The following ZFYVE1 variants were observed in gnomAD, a reference collection of about 807,000 sequenced individuals.
ZFYVE1 encodes the protein zinc finger FYVE domain-containing protein 1.
ZFYVE1 carries 30 observed loss-of-function variants against 74.4 expected under a neutral mutation model. The observed-to-expected ratio is 0.40, with a 90% CI of 0.30 to 0.55. ZFYVE1 has a LOEUF of 0.55. Among genes scored for constraint, ZFYVE1 ranks in the 20% least tolerant of loss-of-function variants. The pLI, the probability that ZFYVE1 is intolerant of heterozygous loss-of-function variation, is 0.42. For synonymous variants in ZFYVE1, 335 were observed against 385.1 expected (o/e 0.87, Z 1.52); for missense variants, 703 against 1,011.6 (o/e 0.69, Z 4.14).
At chr14:73,009,047 C>T (rs4903091) in intron 2 of ZFYVE1, among the ~76,000 whole-genome samples, 17,876 of 152,136 alleles carry the variant, frequency 0.12, 2,510 homozygotes, top group African/African-American at 0.34. Context: ...TGTTCACTAC[C>T]GTAACCTTAG....
rs531823632 is a variant in ZFYVE1, at chr14:72,981,848, C to T, written c.1251G>A (p.Ala417=). 2.4e-5 allele frequency: 39 copies of T among 1,614,066 alleles called. No homozygotes were observed. Among genetic ancestry groups the T allele is most frequent in the Non-Finnish European group, 3.1e-5 (36 of 1,180,032 alleles). The change falls in exon 5 of 12, where the codon GCG becomes GCA. Residue 417 remains alanine (A), a synonymous_variant. Transcript: ENST00000556143. ...ACTCATCTGGAAAAAAGGAGCTGTG[C>T]GCCATCTGGTCATCGGGGATCTCAC... ...FSGEIPDDQM[A]HSSFFPDEYF...
chr14:72,997,685 T>C (rs1893778530), intron 3 of ZFYVE1, 126 bp downstream of exon 3: 1 of 1,282,878 alleles, frequency 7.8e-7, no homozygotes, highest in South Asian at 1.5e-5. Context: ...TGAAACACTT[T>C]CTATGTCTTC....
chr14:72,993,219 C>T lies in ZFYVE1; in HGVS notation c.1127G>A (p.Arg376His), dbSNP rs756351188. ...ATTCTCTAGTAGCTGCTCCAAAGCA[C>T]GCCGAAGCCCAGAAAAGTCCGTGGG... ...NPPTDFSGLR[R>H]ALEQLLENNT... is the part of the protein sequence containing the mutation. Residue 376 changes from arginine to histidine, a missense_variant, in exon 4 of 12, where the codon CGT becomes CAT. Transcript: ENST00000556143. The T allele has an allele frequency of 3.2e-5, 51 of 1,613,588 alleles. No homozygotes were observed. The Admixed American group carries it at 5.3e-4, about 17-fold the overall frequency.
In ZFYVE1 at chr14:72,978,034, C is replaced by T. The variant is rs1893220673; in HGVS notation, c.1528G>A (p.Glu510Lys). The T allele has an allele frequency of 6.2e-7, 1 of 1,614,152 alleles. No individual in the cohort carries two copies. The highest frequency in any genetic ancestry group is 2.2e-5 in the East Asian group (1 of 44,888). The change falls in exon 8 of 12, where the codon GAA becomes AAA. Residue 510 changes from glutamate (E) to lysine (K), a missense_variant. Around this residue, in one of 2 missense-constraint regions of ZFYVE1, gnomAD observed 492 missense variants for 790.0 expected, o/e 0.62. Coordinates refer to ENST00000556143, the MANE Select transcript of ZFYVE1 (RefSeq NM_021260.4). ...AKYAWSGYVI[E>K]CPNCGVVYRS... ...TAGACCACGCCACAGTTAGGACATTCGATCACATACCTACAAGGAAAGCAA... is the reference window on the plus strand; with the variant it reads ...TAGACCACGCCACAGTTAGGACATTTGATCACATACCTACAAGGAAAGCAA...
intron 11 of ZFYVE1, among the ~76,000 whole-genome samples, chr14:72,971,405 C>T (rs1397581098): frequency 2.2e-4 from 34 of 152,078 alleles, no homozygotes; most frequent in Admixed American, 1.4e-3. Context: ...ATCACGATTT[C>T]GGCTCACCAC....
rs1892987940 is a variant in ZFYVE1 at position 72,969,984 on chromosome 14, T to C, written c.*898A>G. Reference sequence around the variant, plus strand: ...GACACTTTAAAATAAGCAATGAAAATCCTAGTGCGACACTCAGAAGCAGAT... The same window carrying C: ...GACACTTTAAAATAAGCAATGAAAACCCTAGTGCGACACTCAGAAGCAGAT... On this transcript the variant is annotated 3_prime_UTR_variant, in exon 12 of 12. Coordinates refer to ENST00000556143, the MANE Select transcript of ZFYVE1 (RefSeq NM_021260.4). The C allele has an allele frequency of 8.0e-6, 4 of 497,146 alleles. No homozygotes were observed. The highest frequency in any genetic ancestry group is 1.1e-5 in the Non-Finnish European group (3 of 282,870). The allele number at this position is 497,146 out of a possible 1,614,324, so 30.8% of individuals were successfully genotyped here. A position where few individuals can be genotyped will look rare whatever the true frequency, so the allele number is the denominator to read the frequency against.
chr14:72,998,397 G>C, intron 2 of ZFYVE1, 82 bp from the exon 3 acceptor site: 2 of 1,304,590 alleles, frequency 1.5e-6, no homozygotes, highest in Non-Finnish European at 2.0e-6. Flanking sequence ...TGCTTCCCAA[G>C]GACAAGGAAC....
Position 72,975,248 on chromosome 14 carries a change from C to G in ZFYVE1, c.1807-289G>C, listed in dbSNP as rs144858719. 4 of 501,360 alleles carry G rather than the reference C, an allele frequency of 8.0e-6. No homozygotes were observed. The highest frequency in any genetic ancestry group is 7.0e-6 in the Non-Finnish European group (2 of 287,206). 31.1% of individuals were successfully genotyped at this position (501,360 alleles called of 1,614,324 possible). A position where few individuals can be genotyped will look rare whatever the true frequency, so the allele number is the denominator to read the frequency against. Reference sequence around the variant, plus strand: ...ATGACCCTAAATAACCTCTAAAGACCCCTTTTCCTCCAGATTCTTATCTGG... The same window carrying G: ...ATGACCCTAAATAACCTCTAAAGACGCCTTTTCCTCCAGATTCTTATCTGG... On this transcript the variant is annotated intron_variant, in intron 9 of 11. Coordinates refer to ENST00000556143, the MANE Select transcript of ZFYVE1 (RefSeq NM_021260.4). This position sits in a 1 kb window ranked among gnomAD's most constrained non-coding sequence, Gnocchi z 4.1.
chr14:72,983,699 T>A (rs1893402868), intron 4 of ZFYVE1, among the ~76,000 whole-genome samples: 2 of 152,180 alleles, frequency 1.3e-5, no homozygotes, highest in Admixed American at 6.5e-5. Flanking sequence ...TGATTTATAA[T>A]CCTTTGGGTA....
chr14:73,009,082 A>G (rs1894036764), intron 2 of ZFYVE1, among the ~76,000 whole-genome samples: 1 of 152,226 alleles, frequency 6.6e-6, no homozygotes, highest in East Asian at 1.9e-4. Flanking sequence ...CAAAATAGGA[A>G]ATCAAGACAC....
chr14:72,978,609 G>A (rs1007986598), intron 6 of ZFYVE1, among the ~76,000 whole-genome samples: 3 of 136,918 alleles, frequency 2.2e-5, no homozygotes, highest in African/African-American at 2.7e-5. Context: ...ATGAATGTTC[G>A]ATATAAATTA....
intron 2 of ZFYVE1, among the ~76,000 whole-genome samples, chr14:73,013,585 G>T: frequency 6.6e-6 from 1 of 151,536 alleles, no homozygotes; most frequent in African/African-American, 2.4e-5. Flanking sequence ...GGTGACAAGA[G>T]CGAAACTCCA....
At chr14:72,999,997 T>C (rs1052015846) in intron 2 of ZFYVE1, among the ~76,000 whole-genome samples, 6 of 152,058 alleles carry the variant, frequency 3.9e-5, no homozygotes, top group African/African-American at 1.4e-4. Flanking sequence ...GGAGGCAGAC[T>C]GCAGTGAGCC....
intron 1 of ZFYVE1, among the ~76,000 whole-genome samples, 162 bp downstream of exon 1, chr14:73,026,764 A>G (rs1594873904): frequency 7.0e-6 from 1 of 141,928 alleles, no homozygotes; most frequent in South Asian, 2.4e-4. Context: ...CGCCGGCAAA[A>G]CCCGGAGCCG....
chr14:72,992,096 A>G (rs1436075845), intron 4 of ZFYVE1, among the ~76,000 whole-genome samples: 3 of 152,040 alleles, frequency 2.0e-5, no homozygotes, highest in African/African-American at 7.2e-5. Flanking sequence ...TTTAGTAGAA[A>G]GGGGGTTTCA....
At chr14:73,004,546 G>A (rs1352422777) in intron 2 of ZFYVE1, among the ~76,000 whole-genome samples, 10 of 152,140 alleles carry the variant, frequency 6.6e-5, no homozygotes, top group Admixed American at 3.3e-4. Context: ...TTTGGTATTC[G>A]GGGGTATGTC....
intron 2 of ZFYVE1, among the ~76,000 whole-genome samples, chr14:73,001,120 T>C (rs896980008): frequency 6.6e-6 from 1 of 152,258 alleles, no homozygotes; most frequent in African/African-American, 2.4e-5. Flanking sequence ...TGCATATTCC[T>C]GCTGTTGCAA....
intron 2 of ZFYVE1, among the ~76,000 whole-genome samples, chr14:73,008,982 G>A (rs1221076784): frequency 1.3e-5 from 2 of 152,112 alleles, no homozygotes; most frequent in South Asian, 2.1e-4. Flanking sequence ...CACTCTTCCA[G>A]CGCTAAACAC....
At chr14:73,003,583 G>A (rs1015446116) in intron 2 of ZFYVE1, among the ~76,000 whole-genome samples, 13 of 152,170 alleles carry the variant, frequency 8.5e-5, no homozygotes, top group African/African-American at 2.9e-4. Context: ...AGTGGTTCAC[G>A]CCTATAGTCC....
Sources: allele counts gnomAD v4.1 joint callset (sites outside exome capture counted in the v4.1 genomes callset), GRCh38; gene constraint gnomAD v4.1.1; regional missense constraint gnomAD v4.1.1; non-coding constraint Gnocchi (gnomAD v3.1); transcripts MANE v1.5; gene names NCBI Gene and HGNC (gene_info 2026-07-23, HGNC 2026-07-21).